Variants in FARS2 observed in about 807,000 individuals in gnomAD.
FARS2 encodes the protein phenylalanyl-tRNA synthetase 2, mitochondrial, also known as phenylalanine--tRNA ligase, mitochondrial.
Under a neutral mutation model 46.4 loss-of-function variants are expected in FARS2, and 40 were observed. The ratio of observed to expected loss-of-function variants is 0.86; its 90% CI spans 0.67 to 1.12. FARS2 has a LOEUF of 1.12. Among genes scored for constraint, FARS2 ranks in the 50% most tolerant of loss-of-function variants. The pLI is 0.00. For missense variants in FARS2, 513 were observed against 567.9 expected (o/e 0.90, Z 0.98); for synonymous variants, 234 against 214.9 (o/e 1.09, Z -0.78).
rs150788111 is a variant in FARS2, at chr6:5,765,596, C to T, written c.1218-5695C>T. On this transcript the variant is annotated intron_variant, in intron 6 of 6. Transcript: ENST00000274680. The surrounding 1 kb of genome is among the most constrained non-coding windows in gnomAD (Gnocchi z 4.0). ...GACAAACAGCGCGTGTCAGTGTTCT[C>T]GGGGAGGTGGGAGAAATTATGCACT... is the stretch of plus-strand genomic sequence containing the variant. Among the ~76,000 whole-genome samples, 69 of 152,246 alleles carry T rather than the reference C, an allele frequency of 4.5e-4. No homozygotes were observed. The highest frequency in any genetic ancestry group is 1.4e-3 in the African/African-American group (57 of 41,548).
intron 5 of FARS2, among the ~76,000 whole-genome samples, chr6:5,584,862 A>C (rs1773530119): frequency 6.6e-6 from 1 of 152,212 alleles, no homozygotes; most frequent in Non-Finnish European, 1.5e-5. Context: ...TTTGCCAGAG[A>C]GTGGGGAGAT....
intron 5 of FARS2, among the ~76,000 whole-genome samples, chr6:5,581,414 A>C (rs1197088681): frequency 6.6e-6 from 1 of 152,198 alleles, no homozygotes; most frequent in African/African-American, 2.4e-5. Context: ...TAAAAAAACA[A>C]AGTCTGTCAT....
At chr6:5,503,647 A>G (rs775990011) in intron 4 of FARS2, among the ~76,000 whole-genome samples, 3 of 152,202 alleles carry the variant, frequency 2.0e-5, no homozygotes, top group Non-Finnish European at 4.4e-5. Context: ...TATAATTGAT[A>G]ATTGTATCCA....
intron 5 of FARS2, among the ~76,000 whole-genome samples, chr6:5,607,655 A>G (rs1010907942): frequency 3.3e-5 from 5 of 152,224 alleles, no homozygotes; most frequent in African/African-American, 1.2e-4. Flanking sequence ...AATTGCCACA[A>G]CATCTCATTG....
chr6:5,570,797 C>CG (rs1561721003), intron 5 of FARS2, among the ~76,000 whole-genome samples: 1 of 151,828 alleles, frequency 6.6e-6, no homozygotes. Flanking sequence ...CCTCTGGAAA[C>CG]GGGGGTAATC....
chr6:5,768,310 G>A (rs1316561996), intron 6 of FARS2, among the ~76,000 whole-genome samples: 13 of 152,102 alleles, frequency 8.5e-5, no homozygotes, highest in Admixed American at 5.2e-4. Flanking sequence ...CATAATCCAT[G>A]TATTTATGAA....
intron 3 of FARS2, among the ~76,000 whole-genome samples, chr6:5,426,460 A>G (rs1247564378): frequency 4.6e-5 from 7 of 152,216 alleles, no homozygotes; most frequent in Non-Finnish European, 1.5e-5. Context: ...GAAGCATGTC[A>G]AGATGCTTTT....
In FARS2 at chr6:5,740,015, CA is replaced by C. The variant is rs1292791516; in HGVS notation, c.1218-31275del. On this transcript the variant is annotated intron_variant, in intron 6 of 6. Transcript: ENST00000274680. ...GAAAAATTAACACATCAAGGTCATACAGCAAAGCCAGGACTTAAACCGAGGT... is the reference window on the plus strand; with the variant it reads ...GAAAAATTAACACATCAAGGTCATACGCAAAGCCAGGACTTAAACCGAGGT... Among the ~76,000 whole-genome samples, 9 of 152,320 alleles carry C rather than the reference CA, an allele frequency of 5.9e-5. 1 individual carries two copies. Among genetic ancestry groups the C allele is most frequent in the African/African-American group, 2.2e-4 (9 of 41,566 alleles).
intron 6 of FARS2, among the ~76,000 whole-genome samples, chr6:5,747,845 AT>A (rs930810349): frequency 1.1e-4 from 16 of 152,180 alleles, no homozygotes; most frequent in Non-Finnish European, 1.8e-4. Flanking sequence ...TTGTCAACCC[AT>A]TTTTTATACA....
chr6:5,622,066 G>A (rs1411597046), intron 6 of FARS2, among the ~76,000 whole-genome samples: 1 of 152,224 alleles, frequency 6.6e-6, no homozygotes, highest in Non-Finnish European at 1.5e-5. Flanking sequence ...TGCCTTTCAG[G>A]CAGATCCCCT....
At chr6:5,417,422 TCAC>T (rs1412248635) in intron 3 of FARS2, among the ~76,000 whole-genome samples, 2 of 152,124 alleles carry the variant, frequency 1.3e-5, no homozygotes, top group Admixed American at 1.3e-4. Flanking sequence ...AGATGGGGTG[TCAC>T]CATGTTGCCC....
intron 4 of FARS2, among the ~76,000 whole-genome samples, chr6:5,440,329 A>ACACAAGTG (rs1274827519): frequency 6.6e-6 from 1 of 152,204 alleles, no homozygotes; most frequent in Non-Finnish European, 1.5e-5. Context: ...AAGAAATGTG[A>ACACAAGTG]CACAAGTGTC....
intron 4 of FARS2, among the ~76,000 whole-genome samples, chr6:5,503,429 GAGAGAT>G (rs1767927044): frequency 1.4e-5 from 2 of 144,722 alleles, no homozygotes; most frequent in South Asian, 4.4e-4. Context: ...GAGAGAGAGA[GAGAGAT>G]AACTGTGTGA....
At chr6:5,682,773 T>C (rs1779099082) in intron 6 of FARS2, among the ~76,000 whole-genome samples, 1 of 152,136 alleles carries the variant, frequency 6.6e-6, no homozygotes, top group Non-Finnish European at 1.5e-5. Flanking sequence ...CTAAACTAAA[T>C]AAGTGAATAA....
intron 6 of FARS2, among the ~76,000 whole-genome samples, chr6:5,747,556 A>G (rs2150960179): frequency 6.6e-6 from 1 of 152,334 alleles, no homozygotes; most frequent in East Asian, 1.9e-4. Flanking sequence ...CTCACAGGCC[A>G]ACCCCAGTAC....
intron 3 of FARS2, among the ~76,000 whole-genome samples, chr6:5,410,915 C>T (rs1761908978): frequency 6.6e-6 from 1 of 152,142 alleles, no homozygotes. Context: ...TTTTCAGATG[C>T]AGGAACCTAG....
intron 4 of FARS2, chr6:5,457,780 A>T (rs1185383891): frequency 6.6e-6 from 1 of 152,138 alleles, no homozygotes; most frequent in Non-Finnish European, 1.5e-5. Flanking sequence ...AAAATAAGTA[A>T]CTCACAAGCT....
At chr6:5,361,761 C>T (rs1380015132) in intron 1 of FARS2, among the ~76,000 whole-genome samples, 2 of 152,242 alleles carry the variant, frequency 1.3e-5, no homozygotes, top group East Asian at 3.9e-4. Context: ...TGTGCTTGAA[C>T]ACTTTTGTCT....
intron 6 of FARS2, chr6:5,664,956 A>AT (rs543855928): frequency 2.6e-5 from 4 of 152,104 alleles, no homozygotes; most frequent in African/African-American, 7.2e-5. Context: ...ATGCTGAGGC[A>AT]TTTTTTCATT....
Sources: gnomAD v4.1 joint callset for allele counts (sites outside exome capture counted in the v4.1 genomes callset) on GRCh38, gnomAD v4.1.1 for gene constraint, Gnocchi (gnomAD v3.1) non-coding constraint, MANE v1.5 for transcripts, NCBI Gene and HGNC (gene_info 2026-07-23, HGNC 2026-07-21) for gene names.